NCAPD3: variants seen among roughly 807,000 people sequenced by gnomAD.
NCAPD3 encodes non-SMC condensin II complex subunit D3.
In NCAPD3, 105 loss-of-function variants were observed where a neutral mutation model predicts 182.9. The observed-to-expected ratio is 0.57, with a 90% CI of 0.49 to 0.68. The LOEUF (loss-of-function observed/expected upper bound fraction) is 0.68, where lower values mean the gene tolerates loss of function less well. Ranked by LOEUF, NCAPD3 falls within the 30% of genes least tolerant of loss-of-function variation. The pLI is 0.00. For missense variants in NCAPD3, 1,944 were observed against 1,837.0 expected, an observed-to-expected ratio of 1.06 and a Z score of -1.07; for synonymous variants, 815 against 679.9, an observed-to-expected ratio of 1.20 and a Z score of -3.09.
intron 1 of NCAPD3, 105 bp downstream of exon 1, chr11:134,223,758 G>A: frequency 7.4e-7 from 1 of 1,359,646 alleles, no homozygotes. Context: ...ACAGCCGGGC[G>A]CCCCCACCCC....
intron 13 of NCAPD3, among the ~76,000 whole-genome samples, 193 bp from the exon 14 acceptor site, chr11:134,194,931 T>C (rs549268246): frequency 6.6e-6 from 1 of 152,192 alleles, no homozygotes; most frequent in East Asian, 1.9e-4. Context: ...ATATAAACTT[T>C]GGAATATTAA....
chr11:134,212,090 T>C (rs1307861416), intron 3 of NCAPD3, among the ~76,000 whole-genome samples: 3 of 152,312 alleles, frequency 2.0e-5, no homozygotes, highest in Middle Eastern at 3.4e-3. Flanking sequence ...CAGAATTTTA[T>C]ATTCAGCAAA....
intron 32 of NCAPD3, chr11:134,156,725 C>G: frequency 3.9e-6 from 1 of 255,502 alleles, no homozygotes; most frequent in Non-Finnish European, 7.5e-6. Flanking sequence ...CTCCAGAAGG[C>G]ACCACTGGGT....
intron 11 of NCAPD3, 26 bp from the exon 12 acceptor site, chr11:134,203,224 G>A (rs1211612903): frequency 6.6e-7 from 1 of 1,515,092 alleles, no homozygotes. Context: ...AAGATAAGAA[G>A]GAAGAAGTCA....
At chr11:134,180,135 CCTGTGCTACACTCCCTGGTG>C in intron 20 of NCAPD3, among the ~76,000 whole-genome samples, 2 of 152,146 alleles carry the variant, frequency 1.3e-5, no homozygotes, top group Non-Finnish European at 2.9e-5. Context: ...CTGGGCCAAG[CCTGTGCTACACTCCCTGGTG>C]CTCTTACCTA....
At chr11:134,210,759 A>C (rs1029113111) in intron 3 of NCAPD3, among the ~76,000 whole-genome samples, 1 of 152,238 alleles carries the variant, frequency 6.6e-6, no homozygotes, top group African/African-American at 2.4e-5. Context: ...ACCAGGCAGC[A>C]TAAGAAGGGC....
chr11:134,225,039 C>T (rs569232331), upstream of NCAPD3: 5 of 1,370,136 alleles, frequency 3.6e-6, no homozygotes, highest in East Asian at 1.1e-4. Flanking sequence ...CGCATCGGGC[C>T]CTCTGGCCTT....
chr11:134,163,309 C>T (rs1384142963), intron 27 of NCAPD3, among the ~76,000 whole-genome samples: 1 of 152,184 alleles, frequency 6.6e-6, no homozygotes, highest in Non-Finnish European at 1.5e-5. Flanking sequence ...CTACAGACCA[C>T]TCACCATCTA....
chr11:134,160,457 C>T (rs1012529265), intron 28 of NCAPD3, among the ~76,000 whole-genome samples: 2 of 152,126 alleles, frequency 1.3e-5, no homozygotes, highest in African/African-American at 4.8e-5. Flanking sequence ...GGGAGAAAGA[C>T]ATGCTCAGAC....
chr11:134,157,453 G>A (rs1943455173), intron 31 of NCAPD3, among the ~76,000 whole-genome samples: 1 of 152,202 alleles, frequency 6.6e-6, no homozygotes, highest in Admixed American at 6.5e-5. Context: ...GATAGTATTT[G>A]TATGGAAAAA....
chr11:134,209,702 G>A, intron 4 of NCAPD3: 1 of 450,954 alleles, frequency 2.2e-6, no homozygotes, highest in Non-Finnish European at 3.9e-6. Context: ...GTGTCAATGA[G>A]GAATCCTTTT....
At position 134,161,762 on chromosome 11, in the gene NCAPD3, GCA is replaced by G. The variant is rs764502586; in HGVS notation, c.3684+17_3684+18del. The G allele has an allele frequency of 7.0e-7, 1 of 1,424,318 alleles. No homozygotes were observed. Among genetic ancestry groups the G allele is most frequent in the Non-Finnish European group, 9.9e-7 (1 of 1,015,166 alleles). 88.2% of individuals were successfully genotyped at this position (1,424,318 alleles called of 1,614,324 possible). ...AACTGGTAGGACAACAACCACAAAAGCACAGGCTCCACCCTTACCCTGAGATA... is the reference window on the plus strand; with the variant it reads ...AACTGGTAGGACAACAACCACAAAAGCAGGCTCCACCCTTACCCTGAGATA... On this transcript the variant is annotated intron_variant, in intron 28 of 34. Transcript: ENST00000534548.
intron 27 of NCAPD3, among the ~76,000 whole-genome samples, chr11:134,166,918 C>CACTA (rs1264694680): frequency 5.6e-5 from 7 of 126,030 alleles, no homozygotes; most frequent in African/African-American, 1.6e-4. Flanking sequence ...GGCGCACACT[C>CACTA]GTGAGATGAG....
chr11:134,211,925 C>T (rs1362558103), intron 3 of NCAPD3, among the ~76,000 whole-genome samples: 1 of 152,040 alleles, frequency 6.6e-6, no homozygotes, highest in African/African-American at 2.4e-5. Context: ...GGAAGGAAGA[C>T]AACATTTGGA....
chr11:134,197,425 T>C (rs943080073), intron 13 of NCAPD3, among the ~76,000 whole-genome samples: 1 of 151,908 alleles, frequency 6.6e-6, no homozygotes, highest in Non-Finnish European at 1.5e-5. Context: ...TACAGGCACC[T>C]GCCACCATGC....
intron 28 of NCAPD3, 53 bp from the exon 29 acceptor site, chr11:134,160,127 G>A (rs1395195012): frequency 2.5e-6 from 4 of 1,580,908 alleles, no homozygotes; most frequent in African/African-American, 2.7e-5. Context: ...AAAACGTAAA[G>A]CCCTAAACCC....
chr11:134,225,202 A>C (rs1364775676), upstream of NCAPD3: 2 of 1,614,146 alleles, frequency 1.2e-6, no homozygotes, highest in African/African-American at 2.7e-5. Context: ...CGGGCCGAGC[A>C]CAAGACGGAG....
At chr11:134,160,981 G>A (rs1943562015) in intron 28 of NCAPD3, among the ~76,000 whole-genome samples, 1 of 151,810 alleles carries the variant, frequency 6.6e-6, no homozygotes, top group South Asian at 2.1e-4. Context: ...CTAAAGTCAG[G>A]CAATAAATAC....
At chr11:134,202,059 A>T (rs1427859340) in intron 13 of NCAPD3, among the ~76,000 whole-genome samples, 1 of 152,198 alleles carries the variant, frequency 6.6e-6, no homozygotes, top group Non-Finnish European at 1.5e-5. Flanking sequence ...CTCTCCACTG[A>T]TCCTTAAGAG....
Sources: allele counts gnomAD v4.1 joint callset (sites outside exome capture counted in the v4.1 genomes callset), GRCh38; gene constraint gnomAD v4.1.1; transcripts MANE v1.5; gene names NCBI Gene and HGNC (gene_info 2026-07-23, HGNC 2026-07-21).